Variants in CSMD1 observed in about 807,000 individuals in gnomAD.
CSMD1 encodes the protein CUB and sushi domain-containing protein 1.
In CSMD1, 213 loss-of-function variants were observed where a neutral mutation model predicts 417.5. The ratio of observed to expected loss-of-function variants is 0.51; its 90% CI spans 0.46 to 0.57. CSMD1 has a LOEUF of 0.57. Ranked by LOEUF, CSMD1 falls within the 20% of genes least tolerant of loss-of-function variation. The probability of loss-of-function intolerance (pLI) is 0.00; values close to 1 mark genes in which losing one functional copy is unlikely to be tolerated. For missense variants in CSMD1, 6,923 were observed against 4,529.7 expected (o/e 1.53, Z -15.17); for synonymous variants, 2,862 against 1,736.8 (o/e 1.65, Z -16.11).
chr8:4,684,279 G>A (rs547292468), intron 1 of CSMD1, among the ~76,000 whole-genome samples: 21 of 152,226 alleles, frequency 1.4e-4, no homozygotes, highest in African/African-American at 5.1e-4. Context: ...TTTTAATCGT[G>A]CAAAAAATAG....
chr8:3,384,765 AAATATATATTTATATAATATATATT>A (rs1383479248), intron 18 of CSMD1, among the ~76,000 whole-genome samples: 13 of 123,976 alleles, frequency 1.0e-4, no homozygotes, highest in African/African-American at 2.2e-4. Flanking sequence ...TAAATTATAT[AAATATATATTTATATAATATATATT>A]AATATATGCT....
intron 1 of CSMD1, among the ~76,000 whole-genome samples, chr8:4,941,878 G>A (rs1808027520): frequency 6.6e-6 from 1 of 152,178 alleles, no homozygotes; most frequent in Non-Finnish European, 1.5e-5. Context: ...AGGATTACAG[G>A]TGTGAGCCAC....
At chr8:4,334,989 T>C (rs905783679) in intron 3 of CSMD1, among the ~76,000 whole-genome samples, 1 of 152,122 alleles carries the variant, frequency 6.6e-6, no homozygotes, top group Non-Finnish European at 1.5e-5. Context: ...GGCTTGTCTT[T>C]AAGCTCCGTT....
intron 5 of CSMD1, among the ~76,000 whole-genome samples, chr8:3,786,860 T>A (rs976569526): frequency 4.6e-5 from 7 of 152,070 alleles, no homozygotes; most frequent in Admixed American, 3.3e-4. Context: ...CTAATCACAT[T>A]ATGAGGGCCA....
At chr8:3,884,589 A>G (rs757502275) in intron 5 of CSMD1, among the ~76,000 whole-genome samples, 2 of 152,168 alleles carry the variant, frequency 1.3e-5, no homozygotes, top group Admixed American at 6.5e-5. Flanking sequence ...ACATGGAAAC[A>G]TCGGTGAGAA....
intron 50 of CSMD1, among the ~76,000 whole-genome samples, chr8:3,045,795 C>T: frequency 6.6e-6 from 1 of 152,180 alleles, no homozygotes. Flanking sequence ...TGACCTTCAC[C>T]AAATTACTCA....
rs375198359 is a variant in CSMD1 at position 3,986,090 on chromosome 8, G to C, written c.818+11813C>G. Among the ~76,000 whole-genome samples, 9 of 151,956 alleles carry C rather than the reference G, an allele frequency of 5.9e-5. No homozygotes were observed. In the East Asian group the frequency reaches 1.4e-3, roughly 23 times the overall value. On this transcript the variant is annotated intron_variant, in intron 5 of 69. Transcript: ENST00000635120. The stretch of plus-strand genomic sequence containing the variant: ...ACCCCATCCAAAAATCAAGGATCTC[G>C]TTCGTATCTGGGAGCTACAAGTTCA...
chr8:4,904,666 C>T (rs1805119308), intron 1 of CSMD1, among the ~76,000 whole-genome samples: 1 of 152,150 alleles, frequency 6.6e-6, no homozygotes, highest in Non-Finnish European at 1.5e-5. Flanking sequence ...TGTTGTGAGC[C>T]TGTCCTTGTT....
intron 1 of CSMD1, among the ~76,000 whole-genome samples, chr8:4,831,233 G>A (rs887158275): frequency 6.6e-6 from 1 of 152,176 alleles, no homozygotes; most frequent in African/African-American, 2.4e-5. Flanking sequence ...GACAAAAAGA[G>A]GGAGAATTAC....
chr8:3,293,308 A>T (rs1180436469), intron 25 of CSMD1, among the ~76,000 whole-genome samples: 1 of 151,758 alleles, frequency 6.6e-6, no homozygotes, highest in Non-Finnish European at 1.5e-5. Context: ...TGTGTCTTTG[A>T]GTTGCTCTTC....
chr8:3,456,015 T>C (rs1816101534), intron 12 of CSMD1, among the ~76,000 whole-genome samples: 1 of 152,108 alleles, frequency 6.6e-6, no homozygotes, highest in Non-Finnish European at 1.5e-5. Flanking sequence ...CAATGGTGGG[T>C]GCCCCTCCCC....
At chr8:4,549,038 C>G (rs980603093) in intron 2 of CSMD1, among the ~76,000 whole-genome samples, 1 of 152,032 alleles carries the variant, frequency 6.6e-6, no homozygotes, top group Non-Finnish European at 1.5e-5. Context: ...ATTTTGTTGA[C>G]TTTTCACATT....
At chr8:3,481,766 A>G (rs1402732504) in intron 11 of CSMD1, among the ~76,000 whole-genome samples, 1 of 152,222 alleles carries the variant, frequency 6.6e-6, no homozygotes, top group East Asian at 1.9e-4. Flanking sequence ...GAACGCCAGC[A>G]GCTGCCCTAA....
chr8:4,117,478 G>C (rs1182862787), intron 3 of CSMD1, among the ~76,000 whole-genome samples: 1 of 152,108 alleles, frequency 6.6e-6, no homozygotes, highest in Non-Finnish European at 1.5e-5. Context: ...AATAAATGAT[G>C]CACTCAATGT....
chr8:4,011,555 G>A (rs567300257), intron 4 of CSMD1, among the ~76,000 whole-genome samples: 6 of 152,208 alleles, frequency 3.9e-5, no homozygotes, highest in Non-Finnish European at 5.9e-5. Context: ...GTCAGCCACA[G>A]CCAGAAATCC....
chr8:4,004,775 C>T (rs1815974250), intron 4 of CSMD1, among the ~76,000 whole-genome samples: 1 of 152,080 alleles, frequency 6.6e-6, no homozygotes, highest in East Asian at 1.9e-4. Flanking sequence ...GATGGCGTCT[C>T]ACTCTGTTGC....
chr8:3,791,629 G>A (rs1258862208), intron 5 of CSMD1, among the ~76,000 whole-genome samples: 2 of 152,144 alleles, frequency 1.3e-5, no homozygotes, highest in Non-Finnish European at 2.9e-5. Flanking sequence ...TTCAAGACCA[G>A]CCTGGTCAGC....
At chr8:4,065,570 G>A (rs570766450) in intron 3 of CSMD1, among the ~76,000 whole-genome samples, 1 of 149,574 alleles carries the variant, frequency 6.7e-6, no homozygotes, top group Admixed American at 6.7e-5. Context: ...TTTTTTCACT[G>A]CTAAAAGATG....
intron 5 of CSMD1, among the ~76,000 whole-genome samples, chr8:3,802,489 G>A (rs1236801280): frequency 6.6e-6 from 1 of 152,114 alleles, no homozygotes; most frequent in Non-Finnish European, 1.5e-5. Context: ...TCATTCATGT[G>A]AAATTGATGT....
Sources: gnomAD v4.1 joint callset for allele counts (sites outside exome capture counted in the v4.1 genomes callset) on GRCh38, gnomAD v4.1.1 for gene constraint, MANE v1.5 for transcripts, NCBI Gene and HGNC (gene_info 2026-07-23, HGNC 2026-07-21) for gene names.